The following NRG2 variants were observed in gnomAD, a reference collection of about 807,000 sequenced individuals.
NRG2 encodes the protein neuregulin 2, also known as pro-neuregulin-2, membrane-bound isoform.
A neutral mutation model predicts 73.9 loss-of-function variants in NRG2; 27 were observed. That is an observed-to-expected ratio of 0.37 (90% CI 0.27 to 0.50). NRG2 has a LOEUF of 0.50. Among genes scored for constraint, NRG2 ranks in the 20% least tolerant of loss-of-function variants. The probability of loss-of-function intolerance (pLI) is 0.96; values close to 1 mark genes in which losing one functional copy is unlikely to be tolerated. For synonymous variants in NRG2, 532 were observed against 541.0 expected, an observed-to-expected ratio of 0.98 and a Z score of 0.23; for missense variants, 1,126 against 1,210.1, an observed-to-expected ratio of 0.93 and a Z score of 1.03.
At position 139,915,499 on chromosome 5, in the gene NRG2, C is replaced by G. The variant is rs536432771; in HGVS notation, c.701-27988G>C. Among the ~76,000 whole-genome samples the G allele has an allele frequency of 9.8e-5, 15 of 152,330 alleles. No homozygotes were observed. The highest frequency in any genetic ancestry group is 3.6e-4 in the African/African-American group (15 of 41,572). ...GCTTACATTCCACTGGTGCCTGATG[C>G]AGGCCCCTGATCTCTGGATTACCAG... On this transcript the variant is annotated intron_variant, in intron 1 of 9. Coordinates refer to ENST00000361474, the MANE Select transcript of NRG2 (RefSeq NM_004883.3). This position sits in a 1 kb window ranked among gnomAD's most constrained non-coding sequence, Gnocchi z 4.0.
intron 1 of NRG2, among the ~76,000 whole-genome samples, chr5:139,888,624 G>T (rs1764023728): frequency 6.6e-6 from 1 of 152,182 alleles, no homozygotes; most frequent in African/African-American, 2.4e-5. Flanking sequence ...AGGCAAGAGG[G>T]CCTGGCTAGA....
intron 1 of NRG2, among the ~76,000 whole-genome samples, chr5:139,931,338 A>G (rs1374408671): frequency 6.6e-6 from 1 of 152,224 alleles, no homozygotes; most frequent in East Asian, 1.9e-4. Context: ...ATGGGATATA[A>G]ATTTAAACAT....
chr5:139,933,688 A>C (rs181791782), intron 1 of NRG2, among the ~76,000 whole-genome samples: 2 of 152,356 alleles, frequency 1.3e-5, no homozygotes, highest in East Asian at 3.9e-4. Context: ...TAGGTTAGTT[A>C]GACAAAATCT....
rs146910776 is a variant in NRG2, at chr5:140,008,408, A to G, written c.700+33962T>C. ...TTATTGAGCACCTATTATGTGCCAG[A>G]AACTGAACTAGGTAATGGTCATTTG... On this transcript the variant is annotated intron_variant, in intron 1 of 9. Coordinates refer to ENST00000361474, the MANE Select transcript of NRG2 (RefSeq NM_004883.3). The surrounding 1 kb of genome is among the most constrained non-coding windows in gnomAD (Gnocchi z 4.2). 9.2e-5 allele frequency among the ~76,000 whole-genome samples: 14 copies of G among 152,332 alleles called. No individual in the cohort carries two copies. Among genetic ancestry groups the G allele is most frequent in the African/African-American group, 3.4e-4 (14 of 41,582 alleles).
chr5:139,964,851 G>T (rs775427243), intron 1 of NRG2, among the ~76,000 whole-genome samples: 1 of 152,236 alleles, frequency 6.6e-6, no homozygotes, highest in Non-Finnish European at 1.5e-5. Context: ...TGAGCCATCA[G>T]TGGCCAAGCG....
intron 1 of NRG2, among the ~76,000 whole-genome samples, chr5:139,956,410 C>T (rs184878214): frequency 2.6e-5 from 4 of 151,826 alleles, no homozygotes; most frequent in Non-Finnish European, 1.5e-5. Context: ...AAGTACATGA[C>T]TTTGACTTCT....
intron 1 of NRG2, among the ~76,000 whole-genome samples, chr5:139,907,841 C>T (rs982799367): frequency 1.3e-5 from 2 of 152,134 alleles, no homozygotes; most frequent in Non-Finnish European, 2.9e-5. Context: ...GGCACCTGCC[C>T]AGGAGACAAT....
At chr5:139,879,133 G>A (rs980310220) in intron 3 of NRG2, among the ~76,000 whole-genome samples, 1 of 152,166 alleles carries the variant, frequency 6.6e-6, no homozygotes, top group Non-Finnish European at 1.5e-5. Flanking sequence ...TTGAGTATGG[G>A]TTCATGGGAT....
Position 139,848,253 on chromosome 5 carries a change from C to T in NRG2, c.2217G>A (p.Gly739=). Residue 739 remains glycine (G), a synonymous_variant, in exon 10 of 10, where the codon GGG becomes GGA. Coordinates refer to ENST00000361474, the MANE Select transcript of NRG2 (RefSeq NM_004883.3). ...ARGASRRTSA[G]PRRWRRSRLN... is the part of the protein sequence containing the mutation. The stretch of plus-strand genomic sequence containing the variant: ...GGCGCGAGCGGCGCCAGCGCCGGGG[C>T]CCCGCCGACGTCCTGCGGGACGCAC... The T allele has an allele frequency of 8.9e-7, 1 of 1,120,204 alleles. No homozygotes were observed. Among genetic ancestry groups the T allele is most frequent in the East Asian group, 4.9e-5 (1 of 20,618 alleles). 69.4% of individuals were successfully genotyped at this position (1,120,204 alleles called of 1,614,324 possible).
Position 139,865,131 on chromosome 5 carries a change from T to C in NRG2, c.1189+418A>G. Reference sequence around the variant, plus strand: ...GAGACATACTGGAGAAGTTGACCATTGCGAACTGCTGACACCTGTCCCCGG... The same window carrying C: ...GAGACATACTGGAGAAGTTGACCATCGCGAACTGCTGACACCTGTCCCCGG... On this transcript the variant is annotated intron_variant, in intron 5 of 9. Transcript: ENST00000361474. The surrounding 1 kb of genome is among the most constrained non-coding windows in gnomAD (Gnocchi z 5.2). 6.2e-7 allele frequency: 1 copy of C among 1,613,752 alleles called. No homozygotes were observed.
At chr5:139,876,330 G>A (rs767259109) in intron 3 of NRG2, among the ~76,000 whole-genome samples, 1 of 152,120 alleles carries the variant, frequency 6.6e-6, no homozygotes, top group Non-Finnish European at 1.5e-5. Context: ...GGGCTGGAGA[G>A]GGGGAGAAAT....
intron 1 of NRG2, among the ~76,000 whole-genome samples, chr5:139,918,488 C>T (rs913836825): frequency 6.6e-6 from 1 of 152,122 alleles, no homozygotes; most frequent in East Asian, 1.9e-4. Flanking sequence ...TAGCTTGTCT[C>T]GTTCAGTGCT....
At chr5:139,959,117 T>A (rs1036190803) in intron 1 of NRG2, among the ~76,000 whole-genome samples, 1 of 152,206 alleles carries the variant, frequency 6.6e-6, no homozygotes, top group Non-Finnish European at 1.5e-5. Context: ...TGGCCACCAC[T>A]GAGAAGGTGA....
chr5:139,991,149 T>C (rs919432016), intron 1 of NRG2, among the ~76,000 whole-genome samples: 1 of 151,512 alleles, frequency 6.6e-6, no homozygotes, highest in South Asian at 2.1e-4. Flanking sequence ...TGTGGGGGGG[T>C]GCCTGTAATC....
intron 1 of NRG2, among the ~76,000 whole-genome samples, chr5:140,040,998 G>A: frequency 6.6e-6 from 1 of 152,112 alleles, no homozygotes; most frequent in East Asian, 1.9e-4. Context: ...TTAGTGTCTA[G>A]ATATACTCCC....
At chr5:139,920,472 A>G (rs1316869107) in intron 1 of NRG2, among the ~76,000 whole-genome samples, 2 of 152,188 alleles carry the variant, frequency 1.3e-5, no homozygotes, top group African/African-American at 4.8e-5. Context: ...ACTTCCCAGT[A>G]TAAACCAGAG....
chr5:139,927,215 C>A (rs1223148049), intron 1 of NRG2, among the ~76,000 whole-genome samples: 1 of 152,216 alleles, frequency 6.6e-6, no homozygotes, highest in African/African-American at 2.4e-5. Context: ...GCAAGGGTCA[C>A]AGCTGTCTCT....
chr5:139,969,097 T>G (rs1755793987), intron 1 of NRG2, among the ~76,000 whole-genome samples: 1 of 152,228 alleles, frequency 6.6e-6, no homozygotes, highest in African/African-American at 2.4e-5. Flanking sequence ...GTTCTAGGGC[T>G]CAGAGGCCTT....
chr5:139,985,640 T>C (rs1757116627), intron 1 of NRG2, among the ~76,000 whole-genome samples: 1 of 152,198 alleles, frequency 6.6e-6, no homozygotes, highest in South Asian at 2.1e-4. Context: ...CGTATCCCTG[T>C]TCATAATTCA....
Sources: allele counts gnomAD v4.1 joint callset (sites outside exome capture counted in the v4.1 genomes callset), GRCh38; gene constraint gnomAD v4.1.1; non-coding constraint Gnocchi (gnomAD v3.1); transcripts MANE v1.5; gene names NCBI Gene and HGNC (gene_info 2026-07-23, HGNC 2026-07-21).